Variants in SPAG16 observed in about 807,000 individuals in gnomAD.
SPAG16 encodes the protein sperm-associated antigen 16 protein.
Under a neutral mutation model 80.4 loss-of-function variants are expected in SPAG16, and 86 were observed. That is an observed-to-expected ratio of 1.07 (90% confidence interval 0.90 to 1.28). SPAG16 has a LOEUF of 1.28. SPAG16 is among the 50% of genes most tolerant of loss of function. The pLI is 0.00. For missense variants in SPAG16, 870 were observed against 765.3 expected, an observed-to-expected ratio of 1.14 and a Z score of -1.61; for synonymous variants, 294 against 265.9, an observed-to-expected ratio of 1.11 and a Z score of -1.03.
chr2:213,385,435 C>T (rs1196443312), intron 9 of SPAG16, among the ~76,000 whole-genome samples: 1 of 152,184 alleles, frequency 6.6e-6, no homozygotes, highest in Admixed American at 6.5e-5. Context: ...TCAATGACCT[C>T]AGGACCCAAT....
At chr2:214,079,137 A>G (rs1385275639) in intron 13 of SPAG16, among the ~76,000 whole-genome samples, 1 of 152,198 alleles carries the variant, frequency 6.6e-6, no homozygotes, top group Non-Finnish European at 1.5e-5. Context: ...ATAGCAAGAT[A>G]GAAAGACATG....
intron 10 of SPAG16, among the ~76,000 whole-genome samples, chr2:213,676,444 C>G (rs2064080919): frequency 6.7e-6 from 1 of 149,324 alleles, no homozygotes; most frequent in Admixed American, 6.6e-5. Context: ...TGAGAGAGGG[C>G]ATCCCTGTCT....
chr2:214,334,411 C>G (rs1418363081), intron 15 of SPAG16, among the ~76,000 whole-genome samples: 1 of 152,188 alleles, frequency 6.6e-6, no homozygotes, highest in Non-Finnish European at 1.5e-5. Flanking sequence ...TATTTTCACC[C>G]AGATGTCCCA....
At chr2:213,949,452 C>T (rs1481764219) in intron 12 of SPAG16, among the ~76,000 whole-genome samples, 1 of 152,186 alleles carries the variant, frequency 6.6e-6, no homozygotes, top group South Asian at 2.1e-4. Flanking sequence ...CAGGCATGAG[C>T]CACCGCGCTC....
intron 13 of SPAG16, among the ~76,000 whole-genome samples, chr2:214,092,284 A>G (rs987516397): frequency 6.6e-6 from 1 of 152,048 alleles, no homozygotes; most frequent in Non-Finnish European, 1.5e-5. Flanking sequence ...TTGCTTTTCC[A>G]AAAGGCTGTA....
intron 10 of SPAG16, among the ~76,000 whole-genome samples, chr2:213,642,954 C>T (rs973477207): frequency 6.6e-6 from 1 of 150,842 alleles, no homozygotes; most frequent in Non-Finnish European, 1.5e-5. Context: ...CTCAGACTGG[C>T]TTTCCTTGCT....
chr2:213,875,485 A>C (rs927236255), intron 11 of SPAG16, among the ~76,000 whole-genome samples: 1 of 152,132 alleles, frequency 6.6e-6, no homozygotes, highest in Non-Finnish European at 1.5e-5. Flanking sequence ...TGTGTTTGTC[A>C]ACTAGAAAGT....
At chr2:213,781,964 T>C (rs1158148307) in intron 10 of SPAG16, among the ~76,000 whole-genome samples, 1 of 152,198 alleles carries the variant, frequency 6.6e-6, no homozygotes, top group Non-Finnish European at 1.5e-5. Context: ...GCACGTTTTC[T>C]ATAGCAATAA....
At chr2:214,108,613 A>C (rs1040237369) in intron 14 of SPAG16, among the ~76,000 whole-genome samples, 4 of 152,058 alleles carry the variant, frequency 2.6e-5, no homozygotes, top group Non-Finnish European at 5.9e-5. Flanking sequence ...GACTGCATAA[A>C]ATTTTAATGA....
At position 213,913,022 on chromosome 2, in the gene SPAG16, ACTAT is replaced by A. The variant is rs932410858; in HGVS notation, c.1215-16935_1215-16932del. ...AATCAACCTGAACATTTTGAATGGCACTATCTGTTTTTCTAAACATAATTTTATG... is the reference window on the plus strand; with the variant it reads ...AATCAACCTGAACATTTTGAATGGCACTGTTTTTCTAAACATAATTTTATG... On this transcript the variant is annotated intron_variant, in intron 11 of 15. Coordinates refer to ENST00000331683, the MANE Select transcript of SPAG16 (RefSeq NM_024532.5). 5.3e-5 allele frequency among the ~76,000 whole-genome samples: 8 copies of A among 152,282 alleles called. No individual in the cohort carries two copies. In the South Asian group the frequency reaches 6.2e-4, roughly 12 times the overall value.
At chr2:213,874,350 A>T (rs1336939062) in intron 11 of SPAG16, among the ~76,000 whole-genome samples, 1 of 152,158 alleles carries the variant, frequency 6.6e-6, no homozygotes. Context: ...AGTTTGAAAC[A>T]CAAACTGTAC....
chr2:213,328,743 C>T (rs2063948839), intron 5 of SPAG16, among the ~76,000 whole-genome samples: 3 of 152,122 alleles, frequency 2.0e-5, no homozygotes, highest in South Asian at 4.1e-4. Flanking sequence ...GAGTTTCATA[C>T]TGCTACCTCA....
chr2:214,052,792 T>C (rs1343983192), intron 13 of SPAG16, among the ~76,000 whole-genome samples: 1 of 152,136 alleles, frequency 6.6e-6, no homozygotes, highest in African/African-American at 2.4e-5. Flanking sequence ...ACAGCAAAGT[T>C]CCATCAAAAA....
intron 1 of SPAG16, among the ~76,000 whole-genome samples, chr2:213,290,607 GACATTAAGAAACTGGATTTAGGCCAGAA>G (rs2062230945): frequency 6.6e-6 from 1 of 152,196 alleles, no homozygotes; most frequent in African/African-American, 2.4e-5. Context: ...AAGGCAGCTT[GACATTAAGAAACTGGATTTAGGCCAGAA>G]TGCTAGCTTA....
intron 15 of SPAG16, among the ~76,000 whole-genome samples, chr2:214,291,331 A>T (rs1576694445): frequency 1.2e-5 from 1 of 85,272 alleles, no homozygotes. Flanking sequence ...TTTGAGACGG[A>T]GTCTTGCTCT....
intron 10 of SPAG16, among the ~76,000 whole-genome samples, chr2:213,511,520 C>G (rs1417105390): frequency 1.3e-5 from 2 of 151,872 alleles, no homozygotes; most frequent in Non-Finnish European, 2.9e-5. Flanking sequence ...TTTTCTATAG[C>G]ATAATTATTA....
At chr2:213,855,019 C>G (rs2105921010) in intron 10 of SPAG16, among the ~76,000 whole-genome samples, 1 of 152,356 alleles carries the variant, frequency 6.6e-6, no homozygotes, top group Non-Finnish European at 1.5e-5. Context: ...TATTTACTCT[C>G]TGGTCCTTTT....
chr2:213,942,731 G>A (rs1409040134), intron 12 of SPAG16, among the ~76,000 whole-genome samples: 1 of 152,112 alleles, frequency 6.6e-6, no homozygotes, highest in Non-Finnish European at 1.5e-5. Context: ...TTATATCATT[G>A]ACCAAAGCAA....
chr2:213,704,085 G>C (rs1190788871), intron 10 of SPAG16, among the ~76,000 whole-genome samples: 1 of 152,114 alleles, frequency 6.6e-6, no homozygotes, highest in East Asian at 1.9e-4. Context: ...CCTGTTCCCT[G>C]TCTGTGTTTA....
Sources: allele counts gnomAD v4.1 joint callset (sites outside exome capture counted in the v4.1 genomes callset), GRCh38; gene constraint gnomAD v4.1.1; transcripts MANE v1.5; gene names NCBI Gene and HGNC (gene_info 2026-07-23, HGNC 2026-07-21).